Variants in GPC5 observed in about 807,000 individuals in gnomAD.
GPC5 encodes glypican-5.
GPC5 carries 47 observed loss-of-function variants against 53.9 expected under a neutral mutation model. The observed-to-expected ratio is 0.87, with a 90% CI of 0.69 to 1.11. The LOEUF (loss-of-function observed/expected upper bound fraction) is 1.11, where lower values mean the gene tolerates loss of function less well. Ranked by LOEUF, GPC5 falls within the 50% of genes most tolerant of loss-of-function variation. GPC5 has a pLI of 0.00. For missense variants in GPC5, 748 were observed against 713.1 expected, an observed-to-expected ratio of 1.05 and a Z score of -0.56; for synonymous variants, 286 against 263.3, an observed-to-expected ratio of 1.09 and a Z score of -0.84.
At chr13:92,363,708 T>C (rs542699144) in intron 7 of GPC5, among the ~76,000 whole-genome samples, 1 of 151,740 alleles carries the variant, frequency 6.6e-6, no homozygotes, top group East Asian at 1.9e-4. Context: ...AGTGCAAGCC[T>C]TGAAACATCA....
chr13:92,110,045 G>A (rs1370107183), intron 6 of GPC5, among the ~76,000 whole-genome samples: 1 of 152,086 alleles, frequency 6.6e-6, no homozygotes, highest in African/African-American at 2.4e-5. Context: ...ATTTATTTAG[G>A]TGGCAGTATC....
At chr13:92,331,879 C>T (rs1594106008) in intron 7 of GPC5, among the ~76,000 whole-genome samples, 1 of 151,650 alleles carries the variant, frequency 6.6e-6, no homozygotes, top group Non-Finnish European at 1.5e-5. Context: ...GTTGGGGGCT[C>T]TTTATTGTTA....
chr13:92,750,236 C>T (rs1293815786), intron 7 of GPC5, among the ~76,000 whole-genome samples: 2 of 152,066 alleles, frequency 1.3e-5, no homozygotes, highest in East Asian at 1.9e-4. Flanking sequence ...AAAGTTTTCT[C>T]GCAATCATTT....
At chr13:92,590,135 A>G (rs1025715636) in intron 7 of GPC5, among the ~76,000 whole-genome samples, 5 of 152,220 alleles carry the variant, frequency 3.3e-5, no homozygotes, top group Non-Finnish European at 7.3e-5. Context: ...TCCCCAGCCA[A>G]CATGAGGGGA....
intron 7 of GPC5, among the ~76,000 whole-genome samples, chr13:92,676,208 C>A (rs1253473551): frequency 6.6e-6 from 1 of 151,906 alleles, no homozygotes; most frequent in Non-Finnish European, 1.5e-5. Context: ...TGAAAATTAC[C>A]CCCAAATGTC....
chr13:92,278,501 AC>A (rs1394585920), intron 7 of GPC5, among the ~76,000 whole-genome samples: 1 of 152,020 alleles, frequency 6.6e-6, no homozygotes, highest in Non-Finnish European at 1.5e-5. Context: ...AGTCTAAAAG[AC>A]AACTTCTATA....
chr13:92,798,405 T>A (rs2138784085), intron 7 of GPC5, among the ~76,000 whole-genome samples: 1 of 151,996 alleles, frequency 6.6e-6, no homozygotes, highest in Non-Finnish European at 1.5e-5. Context: ...TGTTTCCAAG[T>A]TTGAACCAGC....
At chr13:92,324,361 T>A (rs564096610) in intron 7 of GPC5, among the ~76,000 whole-genome samples, 1 of 152,060 alleles carries the variant, frequency 6.6e-6, no homozygotes, top group South Asian at 2.1e-4. Flanking sequence ...GTGGTGGTAG[T>A]TTTCTTAAAC....
chr13:92,391,732 A>T (rs894744068), intron 7 of GPC5, among the ~76,000 whole-genome samples: 1 of 152,126 alleles, frequency 6.6e-6, no homozygotes, highest in Admixed American at 6.6e-5. Context: ...TCTCTACTAA[A>T]ATTGGCCAAT....
At chr13:92,500,749 G>A (rs1038166723) in intron 7 of GPC5, among the ~76,000 whole-genome samples, 1 of 152,190 alleles carries the variant, frequency 6.6e-6, no homozygotes, top group Admixed American at 6.5e-5. Context: ...TCAAGAGGAT[G>A]AGGCAAACTC....
At chr13:91,972,089 G>A (rs921794720) in intron 6 of GPC5, among the ~76,000 whole-genome samples, 9 of 152,128 alleles carry the variant, frequency 5.9e-5, no homozygotes, top group African/African-American at 1.7e-4. Flanking sequence ...CATTATTATT[G>A]TGTTGGAGTC....
At chr13:92,846,285 T>C (rs1249723371) in intron 7 of GPC5, among the ~76,000 whole-genome samples, 1 of 151,916 alleles carries the variant, frequency 6.6e-6, no homozygotes, top group Non-Finnish European at 1.5e-5. Flanking sequence ...TCCCATGAGG[T>C]CCCTCCCCCA....
At chr13:91,767,671 C>T (rs1438087341) in intron 5 of GPC5, among the ~76,000 whole-genome samples, 1 of 152,174 alleles carries the variant, frequency 6.6e-6, no homozygotes, top group African/African-American at 2.4e-5. Flanking sequence ...TCCCATGTGT[C>T]TACTCAGTTT....
At chr13:91,448,665 C>G (rs1180719782) in intron 1 of GPC5, 96 bp from the exon 2 acceptor site, 1 of 1,243,842 alleles carries the variant, frequency 8.0e-7, no homozygotes, top group Non-Finnish European at 1.1e-6. Context: ...CTCACATAGT[C>G]CTTTGTGTGC....
At chr13:91,990,956 A>G (rs1369642757) in intron 6 of GPC5, among the ~76,000 whole-genome samples, 1 of 152,244 alleles carries the variant, frequency 6.6e-6, no homozygotes, top group Non-Finnish European at 1.5e-5. Context: ...GTGTTTACCG[A>G]AATTATGGTA....
intron 2 of GPC5, among the ~76,000 whole-genome samples, chr13:91,505,653 C>T (rs1307035508): frequency 6.6e-6 from 1 of 152,192 alleles, no homozygotes; most frequent in Non-Finnish European, 1.5e-5. Context: ...TTTTTATCTT[C>T]CAACATTTTG....
intron 7 of GPC5, among the ~76,000 whole-genome samples, chr13:92,274,151 C>T (rs966776003): frequency 7.9e-5 from 12 of 152,130 alleles, no homozygotes; most frequent in African/African-American, 2.7e-4. Context: ...AAAGTTTATA[C>T]TGATTTCATA....
intron 7 of GPC5, among the ~76,000 whole-genome samples, chr13:92,199,540 A>C (rs2042279935): frequency 6.6e-6 from 1 of 152,228 alleles, no homozygotes; most frequent in African/African-American, 2.4e-5. Context: ...TGGAAATAAA[A>C]TATTGACTTG....
At chr13:91,473,305 T>G (rs1882744224) in intron 2 of GPC5, among the ~76,000 whole-genome samples, 1 of 151,948 alleles carries the variant, frequency 6.6e-6, no homozygotes, top group Non-Finnish European at 1.5e-5. Context: ...AGCCAAACCA[T>G]ATCAAGGCCC....
Sources: gnomAD v4.1 joint callset for allele counts (sites outside exome capture counted in the v4.1 genomes callset) on GRCh38, gnomAD v4.1.1 for gene constraint, MANE v1.5 for transcripts, NCBI Gene and HGNC (gene_info 2026-07-23, HGNC 2026-07-21) for gene names.